Variants in SLC8A1 observed in about 807,000 individuals in gnomAD.
SLC8A1 encodes solute carrier family 8 member A1.
SLC8A1 carries 18 observed loss-of-function variants against 68.3 expected under a neutral mutation model. That is an observed-to-expected ratio of 0.26 (90% CI 0.18 to 0.39). The LOEUF (loss-of-function observed/expected upper bound fraction) is 0.39. Among genes scored for constraint, SLC8A1 ranks in the 10% least tolerant of loss-of-function variants. SLC8A1 has a pLI of 1.00. For synonymous variants in SLC8A1, 475 were observed against 415.5 expected (o/e 1.14, Z -1.74); for missense variants, 985 against 1,156.7 (o/e 0.85, Z 2.15).
At chr2:40,214,388 GC>G (rs1252984144) in intron 2 of SLC8A1, among the ~76,000 whole-genome samples, 1 of 151,470 alleles carries the variant, frequency 6.6e-6, no homozygotes, top group African/African-American at 2.4e-5. Flanking sequence ...TGCTTTCCAG[GC>G]CCCGTGTTCA....
chr2:40,133,201 C>G (rs912260375), intron 7 of SLC8A1, among the ~76,000 whole-genome samples: 2 of 152,100 alleles, frequency 1.3e-5, no homozygotes, highest in Non-Finnish European at 2.9e-5. Flanking sequence ...AGCTCTTGTC[C>G]CTCTACCCTC....
At chr2:40,197,528 G>C (rs2053277737) in intron 2 of SLC8A1, among the ~76,000 whole-genome samples, 1 of 151,958 alleles carries the variant, frequency 6.6e-6, no homozygotes, top group Non-Finnish European at 1.5e-5. Context: ...TAAGCAGACA[G>C]TTACGATAAA....
At chr2:40,460,656 C>T (rs1489573142) in intron 1 of SLC8A1, among the ~76,000 whole-genome samples, 3 of 151,738 alleles carry the variant, frequency 2.0e-5, no homozygotes, top group African/African-American at 4.8e-5. Context: ...CTGCAACCTC[C>T]GCCTCCTGGG....
At chr2:40,154,299 CTTTTTT>C (rs57350879) in intron 6 of SLC8A1, among the ~76,000 whole-genome samples, 2 of 74,936 alleles carry the variant, frequency 2.7e-5, no homozygotes, top group African/African-American at 5.0e-5. Flanking sequence ...TTTATTTATT[CTTTTTT>C]TTTTTTTTTT....
intron 6 of SLC8A1, among the ~76,000 whole-genome samples, chr2:40,152,670 C>A (rs1014398679): frequency 6.6e-5 from 10 of 151,834 alleles, no homozygotes; most frequent in African/African-American, 2.4e-4. Context: ...CCAGCCTCAG[C>A]CTCCCAAAGT....
chr2:40,327,935 A>G (rs1347156749), intron 2 of SLC8A1, among the ~76,000 whole-genome samples: 1 of 148,866 alleles, frequency 6.7e-6, no homozygotes, highest in Non-Finnish European at 1.5e-5. Context: ...ATAAGTAAAT[A>G]AATACATGCA....
intron 2 of SLC8A1, among the ~76,000 whole-genome samples, chr2:40,301,981 G>C (rs2071542808): frequency 6.6e-6 from 1 of 151,452 alleles, no homozygotes; most frequent in African/African-American, 2.4e-5. Flanking sequence ...TCCTGCCTCA[G>C]CCTGCAAAGT....
intron 2 of SLC8A1, among the ~76,000 whole-genome samples, chr2:40,273,864 C>CTT (rs200112318): frequency 1.4e-3 from 198 of 136,648 alleles, no homozygotes; most frequent in African/African-American, 4.5e-3. Flanking sequence ...ATGCCAAGTC[C>CTT]TTTTTTTTTT....
chr2:40,221,420 C>A (rs6756711), intron 2 of SLC8A1, among the ~76,000 whole-genome samples: 113,583 of 152,042 alleles, frequency 0.75, 43,047 homozygotes, highest in Middle Eastern at 0.83. Flanking sequence ...CCCACAGCCA[C>A]TATCATACTG....
chr2:40,319,269 C>T (rs776784470), intron 2 of SLC8A1, among the ~76,000 whole-genome samples: 3 of 152,060 alleles, frequency 2.0e-5, no homozygotes, highest in African/African-American at 7.2e-5. Flanking sequence ...CAGGTCACAC[C>T]ATTTTAAATG....
intron 4 of SLC8A1, among the ~76,000 whole-genome samples, chr2:40,171,072 C>A (rs1207740698): frequency 6.6e-6 from 1 of 152,144 alleles, no homozygotes; most frequent in Admixed American, 6.5e-5. Flanking sequence ...AAGAGCTACC[C>A]ATAACTGACC....
At chr2:40,388,498 T>A (rs1684298599) in intron 2 of SLC8A1, among the ~76,000 whole-genome samples, 1 of 152,134 alleles carries the variant, frequency 6.6e-6, no homozygotes, top group Non-Finnish European at 1.5e-5. Context: ...GAAGGACCCA[T>A]TTAAAACGTT....
intron 1 of SLC8A1, among the ~76,000 whole-genome samples, chr2:40,504,051 A>T (rs568649933): frequency 1.3e-5 from 2 of 152,244 alleles, no homozygotes; most frequent in Non-Finnish European, 2.9e-5. Flanking sequence ...CTGGCTTCAA[A>T]TTATAATGCA....
At chr2:40,346,637 C>A (rs1296983213) in intron 2 of SLC8A1, among the ~76,000 whole-genome samples, 1 of 151,968 alleles carries the variant, frequency 6.6e-6, no homozygotes, top group Non-Finnish European at 1.5e-5. Context: ...AAGTACAGTC[C>A]CAAAAATGGA....
At chr2:40,285,867 C>A (rs2068221131) in intron 2 of SLC8A1, among the ~76,000 whole-genome samples, 1 of 152,116 alleles carries the variant, frequency 6.6e-6, no homozygotes, top group Non-Finnish European at 1.5e-5. Flanking sequence ...CTTGCCATTT[C>A]TTTCTTTCAT....
At chr2:40,468,048 G>T (rs1011593559) in intron 1 of SLC8A1, among the ~76,000 whole-genome samples, 4 of 152,012 alleles carry the variant, frequency 2.6e-5, no homozygotes, top group African/African-American at 9.7e-5. Context: ...TAAACATTGA[G>T]ATATTATGAT....
At chr2:40,455,023 A>G (rs1351237956), upstream of SLC8A1, among the ~76,000 whole-genome samples, 1 of 152,226 alleles carries the variant, frequency 6.6e-6, no homozygotes, top group Non-Finnish European at 1.5e-5. Flanking sequence ...TGGACTTGGA[A>G]TTAAGAGTCA....
intron 2 of SLC8A1, among the ~76,000 whole-genome samples, chr2:40,194,575 T>C (rs780277601): frequency 2.6e-5 from 4 of 151,550 alleles, no homozygotes; most frequent in Non-Finnish European, 5.9e-5. Context: ...TAAAATGTCT[T>C]GAGTTTTATG....
chr2:40,497,955 A>G (rs1274933255), intron 1 of SLC8A1, among the ~76,000 whole-genome samples: 1 of 152,068 alleles, frequency 6.6e-6, no homozygotes, highest in Non-Finnish European at 1.5e-5. Flanking sequence ...TGCTATTGCA[A>G]TAACTTATGT....
Sources: gnomAD v4.1 joint callset for allele counts (sites outside exome capture counted in the v4.1 genomes callset) on GRCh38, gnomAD v4.1.1 for gene constraint, MANE v1.5 for transcripts, NCBI Gene and HGNC (gene_info 2026-07-23, HGNC 2026-07-21) for gene names.